Variants in SLC16A9 observed in about 807,000 individuals in gnomAD.
SLC16A9 encodes solute carrier family 16 member 9.
A neutral mutation model predicts 44.3 loss-of-function variants in SLC16A9; 26 were observed. The observed-to-expected ratio is 0.59, with a 90% CI of 0.43 to 0.81. The LOEUF (loss-of-function observed/expected upper bound fraction) is 0.81. Ranked by LOEUF, SLC16A9 falls within the 40% of genes least tolerant of loss-of-function variation. The pLI, the probability that SLC16A9 is intolerant of heterozygous loss-of-function variation, is 0.00. For synonymous variants in SLC16A9, 230 were observed against 225.1 expected (o/e 1.02, Z -0.19); for missense variants, 559 against 595.8 (o/e 0.94, Z 0.64).
chr10:59,684,707 A>AATGCTTTCGAGTTG (rs1430940788), intron 1 of SLC16A9, among the ~76,000 whole-genome samples: 1 of 152,174 alleles, frequency 6.6e-6, no homozygotes, highest in Non-Finnish European at 1.5e-5. Flanking sequence ...ACTGATTAGG[A>AATGCTTTCGAGTTG]ATGCTTTCGA....
chr10:59,695,168 G>A (rs1840344750), intron 1 of SLC16A9, among the ~76,000 whole-genome samples: 1 of 152,064 alleles, frequency 6.6e-6, no homozygotes, highest in African/African-American at 2.4e-5. Context: ...GGGGTAGGGA[G>A]AAATGGGGAG....
chr10:59,706,727 C>A (rs145702732), intron 1 of SLC16A9, among the ~76,000 whole-genome samples: 6,468 of 152,004 alleles, frequency 0.043, 179 homozygotes, highest in East Asian at 0.071. Context: ...AATCCCAGCA[C>A]TTTGGGAGGC....
chr10:59,654,152 T>C lies in SLC16A9; in HGVS notation c.874A>G (p.Asn292Asp). 2.5e-6 allele frequency: 4 copies of C among 1,614,096 alleles called. No individual in the cohort carries two copies. The highest frequency in any genetic ancestry group is 3.4e-6 in the Non-Finnish European group (4 of 1,180,004). The change falls in exon 5 of 6, where the codon AAC becomes GAC. Residue 292 changes from asparagine to aspartate, a missense_variant. By Grantham distance (23) the Asn-to-Asp change is conservative. Transcript: ENST00000395348. The stretch of plus-strand genomic sequence containing the variant: ...AGAGCCACAGTTTCACCACAGTAGT[T>C]TTTATATAACTGCCACTTCCTCTTG... The part of the protein sequence containing the change: ...LAKRKWQLYK[N>D]YCGETVALFK...
At chr10:59,709,030 G>A (rs1252744213) in intron 1 of SLC16A9, among the ~76,000 whole-genome samples, 1 of 152,192 alleles carries the variant, frequency 6.6e-6, no homozygotes, top group African/African-American at 2.4e-5. Context: ...GGGGCACCTG[G>A]TTGCTCGCGC....
chr10:59,694,736 G>T lies in SLC16A9; in HGVS notation c.-36-10409C>A, dbSNP rs963422825. The stretch of plus-strand genomic sequence containing the variant: ...AATCGCTTAAACCCAGGAGGTGGAG[G>T]TTGCAGTGACCTGAGATCGTGCTAC... On this transcript the variant is annotated intron_variant, in intron 1 of 5. Transcript: ENST00000395348. 1.4e-4 allele frequency among the ~76,000 whole-genome samples: 21 copies of T among 147,426 alleles called. No homozygotes were observed. The East Asian group carries it at 1.6e-3, about 11-fold the overall frequency.
intron 1 of SLC16A9, among the ~76,000 whole-genome samples, chr10:59,707,992 A>G (rs1840682498): frequency 6.6e-6 from 1 of 152,212 alleles, no homozygotes. Flanking sequence ...GATATGAAGG[A>G]TACCTGTTAT....
At chr10:59,677,463 A>G (rs573841437) in intron 2 of SLC16A9, among the ~76,000 whole-genome samples, 1 of 152,270 alleles carries the variant, frequency 6.6e-6, no homozygotes, top group Non-Finnish European at 1.5e-5. Context: ...CAGTAGCCAC[A>G]TGTGCCCACC....
At chr10:59,697,655 G>T (rs1018881053) in intron 1 of SLC16A9, among the ~76,000 whole-genome samples, 4 of 149,118 alleles carry the variant, frequency 2.7e-5, no homozygotes, top group African/African-American at 9.8e-5. Flanking sequence ...TTGTTTATCT[G>T]CTGACCTTCC....
chr10:59,662,952 A>G (rs1839515690), intron 4 of SLC16A9, among the ~76,000 whole-genome samples: 1 of 152,218 alleles, frequency 6.6e-6, no homozygotes, highest in African/African-American at 2.4e-5. Context: ...AGGATTATAA[A>G]TCATTCTACT....
chr10:59,676,583 A>G (rs973326826), intron 2 of SLC16A9, among the ~76,000 whole-genome samples: 1 of 152,148 alleles, frequency 6.6e-6, no homozygotes, highest in Non-Finnish European at 1.5e-5. Flanking sequence ...GGGGGGGAAA[A>G]AGGGGCAAGG....
intron 1 of SLC16A9, among the ~76,000 whole-genome samples, chr10:59,694,386 A>G (rs755334384): frequency 2.0e-5 from 3 of 152,222 alleles, no homozygotes; most frequent in Non-Finnish European, 4.4e-5. Flanking sequence ...AAAAGAGGAT[A>G]TGAAAATCAA....
At chr10:59,664,437 T>C in intron 3 of SLC16A9, 115 bp from the exon 4 acceptor site, 3 of 594,196 alleles carry the variant, frequency 5.0e-6, no homozygotes, top group Non-Finnish European at 8.6e-6. Flanking sequence ...GCTAAAACTG[T>C]TACAAGTACA....
At chr10:59,655,493 G>C (rs1325373875) in intron 4 of SLC16A9, among the ~76,000 whole-genome samples, 1 of 152,066 alleles carries the variant, frequency 6.6e-6, no homozygotes, top group Non-Finnish European at 1.5e-5. Flanking sequence ...CTGAATCACC[G>C]GAATGAGTGA....
chr10:59,663,565 A>G (rs1225707150), intron 4 of SLC16A9, among the ~76,000 whole-genome samples: 5 of 150,536 alleles, frequency 3.3e-5, no homozygotes, highest in African/African-American at 1.2e-4. Flanking sequence ...CAATGAGAAC[A>G]TATAGGCACA....
chr10:59,695,167 A>G (rs1368765980), intron 1 of SLC16A9, among the ~76,000 whole-genome samples: 1 of 152,026 alleles, frequency 6.6e-6, no homozygotes, highest in Non-Finnish European at 1.5e-5. Flanking sequence ...TGGGGTAGGG[A>G]GAAATGGGGA....
At position 59,681,450 on chromosome 10, in the gene SLC16A9, G is replaced by GTATA. The variant is rs1391981590; in HGVS notation, c.196+2645_196+2646insTATA. Among the ~76,000 whole-genome samples, 11 of 8,356 alleles carry GTATA rather than the reference G, an allele frequency of 1.3e-3. 3 individuals are homozygous for GTATA. Among genetic ancestry groups the GTATA allele is most frequent in the African/African-American group, 1.1e-3 (7 of 6,432 alleles). 5.5% of individuals were successfully genotyped at this position (8,356 alleles called of 152,430 possible). On this transcript the variant is annotated intron_variant, in intron 2 of 5. Transcript: ENST00000395348. ...ATATGTATATGATGTATATGTATAT[G>GTATA]TGTATGTGTATGTGTATGTATATGT...
chr10:59,670,743 CT>C (rs1025952363), intron 3 of SLC16A9, among the ~76,000 whole-genome samples: 6 of 151,390 alleles, frequency 4.0e-5, no homozygotes, highest in African/African-American at 9.7e-5. Flanking sequence ...TTTCCTGTCA[CT>C]TTTTTTTTCA....
At chr10:59,703,256 G>GT (rs1840563714) in intron 1 of SLC16A9, among the ~76,000 whole-genome samples, 2 of 152,240 alleles carry the variant, frequency 1.3e-5, no homozygotes, top group East Asian at 3.9e-4. Context: ...CAAATAGCTA[G>GT]GACTACAGGC....
intron 1 of SLC16A9, among the ~76,000 whole-genome samples, chr10:59,703,819 C>G (rs925695624): frequency 6.6e-6 from 1 of 151,652 alleles, no homozygotes; most frequent in African/African-American, 2.4e-5. Context: ...CCCGGGTTCA[C>G]GCCATTCTCC....
Sources: gnomAD v4.1 joint callset for allele counts (sites outside exome capture counted in the v4.1 genomes callset) on GRCh38, gnomAD v4.1.1 for gene constraint, MANE v1.5 for transcripts, NCBI Gene and HGNC (gene_info 2026-07-23, HGNC 2026-07-21) for gene names.